Variants in NRG1 observed in about 807,000 individuals in gnomAD.
The protein encoded by NRG1 is pro-neuregulin-1, membrane-bound isoform.
A neutral mutation model predicts 63.8 loss-of-function variants in NRG1; 18 were observed. The ratio of observed to expected loss-of-function variants is 0.28; its 90% CI spans 0.19 to 0.42. The LOEUF (loss-of-function observed/expected upper bound fraction) is 0.42, where lower values mean the gene tolerates loss of function less well. Among genes scored for constraint, NRG1 ranks in the 10% least tolerant of loss-of-function variants. The pLI is 1.00. For missense variants in NRG1, 762 were observed against 814.7 expected, an observed-to-expected ratio of 0.94 and a Z score of 0.79; for synonymous variants, 302 against 301.3, an observed-to-expected ratio of 1.00 and a Z score of -0.02.
intron 1 of NRG1, among the ~76,000 whole-genome samples, chr8:32,356,550 C>T (rs1365065562): frequency 6.9e-6 from 1 of 144,906 alleles, no homozygotes; most frequent in Non-Finnish European, 1.5e-5. Flanking sequence ...TACCATAGAG[C>T]CTAGTACTGT....
chr8:32,630,968 T>G (rs559377793), intron 5 of NRG1, among the ~76,000 whole-genome samples: 1 of 152,282 alleles, frequency 6.6e-6, no homozygotes, highest in African/African-American at 2.4e-5. Context: ...GTGTCTGGGT[T>G]TATTTTTCTT....
intron 5 of NRG1, among the ~76,000 whole-genome samples, chr8:32,673,651 A>G (rs1007170474): frequency 2.0e-5 from 3 of 152,220 alleles, no homozygotes; most frequent in Non-Finnish European, 2.9e-5. Context: ...GTCTTTTCTT[A>G]TCTAGAGATA....
rs891073684 is a variant in NRG1 at position 31,640,807 on chromosome 8, G to T, written c.37+1376G>T. The T allele has an allele frequency of 1.7e-5, 25 of 1,430,978 alleles. No homozygotes were observed. Among genetic ancestry groups the T allele is most frequent in the Middle Eastern group, 2.6e-4 (1 of 3,860 alleles). 88.6% of individuals were successfully genotyped at this position (1,430,978 alleles called of 1,614,324 possible). On this transcript the variant is annotated intron_variant, in intron 1 of 10. Coordinates refer to the NRG1 transcript ENST00000519301. The surrounding 1 kb of genome is among the most constrained non-coding windows in gnomAD (Gnocchi z 6.3). ...GGGCGCGCGGGCAGCGGGGCTCGAC[G>T]GCCGCCCGAGCAAGGCAGAGGCGCT...
chr8:32,190,975 T>C (rs1272261471), intron 1 of NRG1, among the ~76,000 whole-genome samples: 2 of 152,354 alleles, frequency 1.3e-5, no homozygotes, highest in Admixed American at 6.5e-5. Flanking sequence ...TACTGGATAG[T>C]AGACAAACAT....
chr8:32,664,624 A>AATGATG (rs60514534), intron 5 of NRG1, among the ~76,000 whole-genome samples: 15 of 151,600 alleles, frequency 9.9e-5, no homozygotes, highest in Middle Eastern at 3.4e-3. Flanking sequence ...ATGGTGTAGA[A>AATGATG]ATGATGATGA....
chr8:32,433,424 T>C (rs1038975172), intron 1 of NRG1, among the ~76,000 whole-genome samples: 5 of 152,146 alleles, frequency 3.3e-5, no homozygotes, highest in African/African-American at 9.7e-5. Flanking sequence ...ACCGAGCTAA[T>C]TGTGGACTTC....
At chr8:32,060,928 AT>A (rs200733884) in intron 1 of NRG1, among the ~76,000 whole-genome samples, 3 of 151,032 alleles carry the variant, frequency 2.0e-5, no homozygotes, top group East Asian at 1.9e-4. Flanking sequence ...TAGGTTTTAG[AT>A]TTTTTTTTAC....
chr8:32,109,796 T>A (rs947601381), intron 1 of NRG1, among the ~76,000 whole-genome samples: 1 of 152,170 alleles, frequency 6.6e-6, no homozygotes, highest in African/African-American at 2.4e-5. Context: ...TGACCTTTTT[T>A]AAAGAATCAC....
At chr8:32,097,219 A>G (rs946706358) in intron 1 of NRG1, among the ~76,000 whole-genome samples, 9 of 152,162 alleles carry the variant, frequency 5.9e-5, no homozygotes, top group Non-Finnish European at 1.2e-4. Context: ...GTACACATTT[A>G]CCACATTTTC....
chr8:32,237,621 G>T (rs1847705915), intron 1 of NRG1, among the ~76,000 whole-genome samples: 1 of 152,046 alleles, frequency 6.6e-6, no homozygotes, highest in East Asian at 1.9e-4. Context: ...TCTGCTACCG[G>T]AGGAGGATTC....
intron 1 of NRG1, among the ~76,000 whole-genome samples, chr8:31,782,426 C>A (rs889559696): frequency 6.6e-6 from 1 of 152,028 alleles, no homozygotes; most frequent in African/African-American, 2.4e-5. Flanking sequence ...CACTAATGAC[C>A]GTCTGGCAGA....
intron 5 of NRG1, among the ~76,000 whole-genome samples, chr8:32,632,375 C>A (rs986788457): frequency 5.9e-5 from 9 of 151,904 alleles, no homozygotes; most frequent in Admixed American, 4.6e-4. Flanking sequence ...CATGGAGAAA[C>A]CCCGTCTCTA....
chr8:31,837,428 A>G (rs1825780120), intron 1 of NRG1, among the ~76,000 whole-genome samples: 1 of 152,076 alleles, frequency 6.6e-6, no homozygotes, highest in Admixed American at 6.6e-5. Context: ...TGATGTCCTA[A>G]TACATGTACA....
At chr8:32,752,646 T>A (rs1828961815) in intron 7 of NRG1, among the ~76,000 whole-genome samples, 1 of 152,214 alleles carries the variant, frequency 6.6e-6, no homozygotes, top group South Asian at 2.1e-4. Context: ...AGGCATGCTG[T>A]GCCAGGGACT....
intron 1 of NRG1, among the ~76,000 whole-genome samples, chr8:31,896,497 G>T (rs1370697733): frequency 1.3e-5 from 2 of 152,140 alleles, no homozygotes; most frequent in Non-Finnish European, 2.9e-5. Flanking sequence ...AACGTGTCCT[G>T]CTTTAAATGT....
intron 1 of NRG1, among the ~76,000 whole-genome samples, chr8:31,768,442 T>G (rs548856488): frequency 6.6e-6 from 1 of 152,332 alleles, no homozygotes; most frequent in Admixed American, 6.5e-5. Context: ...ATTAGTTTAC[T>G]ACTTAAGCTC....
chr8:32,047,046 A>G (rs1049180098), intron 1 of NRG1, among the ~76,000 whole-genome samples: 1 of 151,810 alleles, frequency 6.6e-6, no homozygotes, highest in Non-Finnish European at 1.5e-5. Flanking sequence ...TTCCCAACGT[A>G]TTTTTTTGCC....
intron 1 of NRG1, among the ~76,000 whole-genome samples, chr8:32,288,391 T>C (rs912461185): frequency 1.3e-5 from 2 of 152,204 alleles, no homozygotes; most frequent in African/African-American, 4.8e-5. Flanking sequence ...GAGATAGATA[T>C]TGTACCTTAG....
At chr8:31,866,401 A>C (rs952165045) in intron 1 of NRG1, among the ~76,000 whole-genome samples, 1 of 152,186 alleles carries the variant, frequency 6.6e-6, no homozygotes, top group African/African-American at 2.4e-5. Flanking sequence ...AACCAAAAGC[A>C]GTTTTTAAAC....
Sources: allele counts gnomAD v4.1 joint callset (sites outside exome capture counted in the v4.1 genomes callset), GRCh38; gene constraint gnomAD v4.1.1; non-coding constraint Gnocchi (gnomAD v3.1); transcripts MANE v1.5; gene names NCBI Gene and HGNC (gene_info 2026-07-23, HGNC 2026-07-21).